PSTPIP2: variants seen among roughly 807,000 people sequenced by gnomAD.
PSTPIP2 encodes the protein proline-serine-threonine phosphatase-interacting protein 2.
Under a neutral mutation model 63.3 loss-of-function variants are expected in PSTPIP2, and 33 were observed. The observed-to-expected ratio is 0.52, with a 90% CI of 0.40 to 0.70. The LOEUF (loss-of-function observed/expected upper bound fraction) is 0.70. Ranked by LOEUF, PSTPIP2 falls within the 30% of genes least tolerant of loss-of-function variation. The pLI is 0.00. For missense variants in PSTPIP2, 312 were observed against 400.7 expected, an observed-to-expected ratio of 0.78 and a Z score of 1.89; for synonymous variants, 125 against 132.7, an observed-to-expected ratio of 0.94 and a Z score of 0.40.
chr18:46,040,069 A>G, intron 1 of PSTPIP2, 22 bp from the exon 2 acceptor site: 1 of 1,559,644 alleles, frequency 6.4e-7, no homozygotes. Flanking sequence ...ACAACATGGC[A>G]TCAGACCAGG....
chr18:46,032,177 G>A (rs951953515), intron 2 of PSTPIP2, among the ~76,000 whole-genome samples: 1 of 152,170 alleles, frequency 6.6e-6, no homozygotes, highest in South Asian at 2.1e-4. Flanking sequence ...ATCGTACTAG[G>A]TGCTAAGAAC....
chr18:46,057,373 G>C (rs1304599862), intron 1 of PSTPIP2, among the ~76,000 whole-genome samples: 1 of 151,464 alleles, frequency 6.6e-6, no homozygotes, highest in Non-Finnish European at 1.5e-5. Context: ...CGTCACCCAG[G>C]CTGGAGTACA....
intron 14 of PSTPIP2, among the ~76,000 whole-genome samples, chr18:45,986,273 C>T (rs1481544730): frequency 1.3e-5 from 2 of 152,012 alleles, no homozygotes; most frequent in African/African-American, 4.8e-5. Flanking sequence ...TGTTGAACCC[C>T]AACTCATTGA....
At chr18:46,004,833 A>T (rs1347899824) in intron 6 of PSTPIP2, among the ~76,000 whole-genome samples, 1 of 152,228 alleles carries the variant, frequency 6.6e-6, no homozygotes, top group Non-Finnish European at 1.5e-5. Context: ...CAGAACTACC[A>T]TTTGACCCAG....
intron 9 of PSTPIP2, among the ~76,000 whole-genome samples, chr18:45,994,848 C>T (rs2051577245): frequency 6.6e-6 from 1 of 151,752 alleles, no homozygotes; most frequent in South Asian, 2.1e-4. Context: ...AATAATATTA[C>T]ATTATTGTTG....
chr18:45,995,903 C>T (rs1235677658), intron 9 of PSTPIP2, among the ~76,000 whole-genome samples: 3 of 152,204 alleles, frequency 2.0e-5, no homozygotes, highest in Non-Finnish European at 4.4e-5. Context: ...GAAACCTCCA[C>T]CTCCCGGGCT....
intron 1 of PSTPIP2, among the ~76,000 whole-genome samples, chr18:46,052,957 AAAAC>A (rs1485175907): frequency 6.6e-6 from 1 of 152,224 alleles, no homozygotes; most frequent in Admixed American, 6.5e-5. Flanking sequence ...TACAAATGAA[AAAAC>A]AAACAAGCAT....
chr18:46,013,431 G>C (rs2051821639), intron 4 of PSTPIP2, among the ~76,000 whole-genome samples: 1 of 152,058 alleles, frequency 6.6e-6, no homozygotes, highest in African/African-American at 2.4e-5. Context: ...GGAAGGGCCA[G>C]GTATTCTGAA....
At chr18:45,991,260 T>C (rs939775667) in intron 12 of PSTPIP2, among the ~76,000 whole-genome samples, 1 of 152,214 alleles carries the variant, frequency 6.6e-6, no homozygotes, top group Non-Finnish European at 1.5e-5. Flanking sequence ...GCAAGCTGAC[T>C]ATGTCAAACA....
intron 3 of PSTPIP2, among the ~76,000 whole-genome samples, chr18:46,023,374 A>T (rs1907446300): frequency 6.6e-6 from 1 of 152,144 alleles, no homozygotes; most frequent in East Asian, 1.9e-4. Context: ...CAGCCTGACC[A>T]GCATGGAGAA....
At chr18:46,062,314 A>G (rs1909019765) in intron 1 of PSTPIP2, among the ~76,000 whole-genome samples, 1 of 151,970 alleles carries the variant, frequency 6.6e-6, no homozygotes, top group South Asian at 2.1e-4. Flanking sequence ...GTGGTACCCT[A>G]TCGCACTCAC....
Position 45,983,806 on chromosome 18 carries a change from C to T in PSTPIP2, c.*1653G>A, listed in dbSNP as rs1263347879. 1 of 152,180 alleles carries T rather than the reference C, an allele frequency of 6.6e-6. No homozygotes were observed. The highest frequency in any genetic ancestry group is 2.4e-5 in the African/African-American group (1 of 41,450). 9.4% of individuals were successfully genotyped at this position (152,180 alleles called of 1,614,324 possible). A position where few individuals can be genotyped will look rare whatever the true frequency, so the allele number is the denominator to read the frequency against. On this transcript the variant is annotated 3_prime_UTR_variant, in exon 15 of 15. Coordinates refer to ENST00000409746, the MANE Select transcript of PSTPIP2 (RefSeq NM_024430.4). ...AAGGATATCCAACTGATGCAAGTTT[C>T]CTGTCATGACAAGAAGCTGTCATGT...
At chr18:46,022,712 C>T (rs1907411887) in intron 3 of PSTPIP2, among the ~76,000 whole-genome samples, 2 of 152,096 alleles carry the variant, frequency 1.3e-5, no homozygotes, top group East Asian at 1.9e-4. Flanking sequence ...TTGTGTAAGA[C>T]GGAGTGTATT....
intron 6 of PSTPIP2, 127 bp from the exon 7 acceptor site, chr18:45,999,661 C>T: frequency 3.7e-6 from 3 of 810,774 alleles, no homozygotes; most frequent in South Asian, 3.4e-5. Context: ...TGTCACTAAG[C>T]CATGGGCTCC....
chr18:46,011,399 T>A lies in PSTPIP2; in HGVS notation c.248-112A>T, dbSNP rs1599712783. The A allele has an allele frequency of 2.1e-5, 17 of 819,306 alleles. No homozygotes were observed. The East Asian group carries it at 4.6e-4, about 22-fold the overall frequency. 50.8% of individuals were successfully genotyped at this position (819,306 alleles called of 1,614,324 possible). The stretch of plus-strand genomic sequence containing the variant: ...CAAAATACTGGAGTAAGTGGTAAAA[T>A]CAACATCACTTCATTTGGTCACCAA... On this transcript the variant is annotated intron_variant, in intron 4 of 14. Transcript: ENST00000409746.
At chr18:46,020,437 G>A (rs1260156356) in intron 3 of PSTPIP2, among the ~76,000 whole-genome samples, 3 of 152,154 alleles carry the variant, frequency 2.0e-5, no homozygotes, top group African/African-American at 7.2e-5. Context: ...GGTGGATCAC[G>A]AGGTCAGGAG....
intron 1 of PSTPIP2, among the ~76,000 whole-genome samples, chr18:46,058,044 A>G (rs1908835245): frequency 6.6e-6 from 1 of 152,018 alleles, no homozygotes; most frequent in East Asian, 1.9e-4. Context: ...AAAACCAGGT[A>G]AAATTTCTAC....
At chr18:46,005,879 T>C (rs1456814132) in intron 5 of PSTPIP2, among the ~76,000 whole-genome samples, 1 of 152,194 alleles carries the variant, frequency 6.6e-6, no homozygotes, top group Non-Finnish European at 1.5e-5. Flanking sequence ...ATTTATATTT[T>C]AAAAGAGGTC....
intron 2 of PSTPIP2, among the ~76,000 whole-genome samples, chr18:46,032,619 T>C (rs1907823428): frequency 6.6e-6 from 1 of 151,720 alleles, no homozygotes; most frequent in Non-Finnish European, 1.5e-5. Flanking sequence ...GCTGGTATGG[T>C]AGTGTGCACC....
Sources: gnomAD v4.1 joint callset for allele counts (sites outside exome capture counted in the v4.1 genomes callset) on GRCh38, gnomAD v4.1.1 for gene constraint, MANE v1.5 for transcripts, NCBI Gene and HGNC (gene_info 2026-07-23, HGNC 2026-07-21) for gene names.